CYYR1: variants seen among roughly 807,000 people sequenced by gnomAD.
CYYR1 encodes cysteine and tyrosine-rich protein 1.
Under a neutral mutation model 15.2 loss-of-function variants are expected in CYYR1, and 14 were observed. The observed-to-expected ratio is 0.92, with a 90% CI of 0.61 to 1.44. The LOEUF is 1.44. Ranked by LOEUF, CYYR1 falls within the 40% of genes most tolerant of loss-of-function variation. CYYR1 has a pLI of 0.00. For missense variants in CYYR1, 228 were observed against 209.5 expected, an observed-to-expected ratio of 1.09 and a Z score of -0.54; for synonymous variants, 80 against 77.4, an observed-to-expected ratio of 1.03 and a Z score of -0.18.
intron 3 of CYYR1, among the ~76,000 whole-genome samples, chr21:26,469,041 T>C (rs142695660): frequency 2.9e-4 from 44 of 152,310 alleles, no homozygotes; most frequent in African/African-American, 9.9e-4. Flanking sequence ...ATGTATAACA[T>C]GTAGCTATCA....
At chr21:26,505,823 TGCTTTTCGTAA>T (rs1569152011) in intron 2 of CYYR1, among the ~76,000 whole-genome samples, 2 of 152,218 alleles carry the variant, frequency 1.3e-5, no homozygotes, top group African/African-American at 4.8e-5. Flanking sequence ...AGGTTTTTAA[TGCTTTTCGTAA>T]GCGCGAGAGA....
At chr21:26,496,728 A>G (rs2065409768) in intron 2 of CYYR1, among the ~76,000 whole-genome samples, 2 of 152,190 alleles carry the variant, frequency 1.3e-5, no homozygotes, top group Non-Finnish European at 2.9e-5. Flanking sequence ...AGCAAGCTAG[A>G]AATTTCCAAA....
rs200900375 is a variant in CYYR1 at position 26,566,333 on chromosome 21, A to T, written c.109T>A (p.Ser37Thr). 16 of 1,613,898 alleles carry T rather than the reference A, an allele frequency of 9.9e-6. No homozygotes were observed. The East Asian group carries it at 3.3e-4, about 34-fold the overall frequency. Residue 37 changes from serine to threonine, a missense_variant, in exon 2 of 4, where the codon TCT becomes ACT. By Grantham distance (58) the Ser-to-Thr change is moderately conservative. Transcript: ENST00000652641. ...CLAQCGKDCKSYCCDGTTPYC... is the reference protein window; with the variant it reads ...CLAQCGKDCKTYCCDGTTPYC... Reference sequence around the variant, plus strand: ...GGCGTGGTTCCATCACAGCAGTAAGATTTGCAATCTTTGCCACACTGAGCA... The same window carrying T: ...GGCGTGGTTCCATCACAGCAGTAAGTTTTGCAATCTTTGCCACACTGAGCA...
chr21:26,484,476 G>A (rs2065225793), intron 2 of CYYR1, among the ~76,000 whole-genome samples: 2 of 152,036 alleles, frequency 1.3e-5, no homozygotes, highest in East Asian at 3.9e-4. Flanking sequence ...GACATATTTG[G>A]ATGTGTTGCT....
intron 3 of CYYR1, among the ~76,000 whole-genome samples, chr21:26,479,973 A>C (rs1310908670): frequency 6.6e-6 from 1 of 152,198 alleles, no homozygotes; most frequent in Non-Finnish European, 1.5e-5. Context: ...GTCAGTACTC[A>C]CTAGCAGGTA....
chr21:26,543,762 G>A (rs1308874909), intron 2 of CYYR1, among the ~76,000 whole-genome samples: 3 of 151,996 alleles, frequency 2.0e-5, no homozygotes, highest in African/African-American at 7.3e-5. Context: ...CAAAAATTAG[G>A]GGGTGTGGTT....
At chr21:26,570,882 C>T (rs1395606060) in intron 1 of CYYR1, among the ~76,000 whole-genome samples, 1 of 152,118 alleles carries the variant, frequency 6.6e-6, no homozygotes, top group Non-Finnish European at 1.5e-5. Context: ...TATCCCACTC[C>T]GTCTCGTTGG....
chr21:26,564,424 C>A (rs974102287), intron 2 of CYYR1, among the ~76,000 whole-genome samples: 1 of 151,990 alleles, frequency 6.6e-6, no homozygotes, highest in Non-Finnish European at 1.5e-5. Flanking sequence ...TTTATTTTCC[C>A]TTCTGAAACA....
intron 2 of CYYR1, among the ~76,000 whole-genome samples, chr21:26,490,488 C>A (rs1313606563): frequency 1.3e-5 from 2 of 151,902 alleles, no homozygotes; most frequent in Non-Finnish European, 2.9e-5. Context: ...GACAAGACAA[C>A]AATGAAATAA....
chr21:26,498,229 GC>G (rs1187647872), intron 2 of CYYR1, among the ~76,000 whole-genome samples: 3 of 152,102 alleles, frequency 2.0e-5, no homozygotes, highest in Non-Finnish European at 4.4e-5. Context: ...TTATTTGAAG[GC>G]CCTATAGCCA....
chr21:26,542,414 C>G (rs535931675), intron 2 of CYYR1, among the ~76,000 whole-genome samples: 3 of 151,564 alleles, frequency 2.0e-5, no homozygotes, highest in Non-Finnish European at 1.5e-5. Context: ...CCTAAACATG[C>G]GATCATTTCA....
chr21:26,541,934 T>C (rs894114832), intron 2 of CYYR1, among the ~76,000 whole-genome samples: 1 of 152,010 alleles, frequency 6.6e-6, no homozygotes. Flanking sequence ...CTAAAAGCAA[T>C]TTCAATTAAC....
chr21:26,569,509 G>A (rs754245948), intron 1 of CYYR1, among the ~76,000 whole-genome samples: 4 of 152,050 alleles, frequency 2.6e-5, no homozygotes, highest in African/African-American at 9.7e-5. Context: ...CCTGGGTGAC[G>A]GGATCCATTG....
Position 26,468,438 on chromosome 21 carries a change from A to G in CYYR1, c.*63T>C, listed in dbSNP as rs1409853810. 2.8e-6 allele frequency: 3 copies of G among 1,055,986 alleles called. No individual in the cohort carries two copies. Among genetic ancestry groups the G allele is most frequent in the Non-Finnish European group, 4.5e-6 (3 of 670,448 alleles). The allele number at this position is 1,055,986 out of a possible 1,614,324, so 65.4% of individuals were successfully genotyped here. A position where few individuals can be genotyped will look rare whatever the true frequency, so the allele number is the denominator to read the frequency against. On this transcript the variant is annotated 3_prime_UTR_variant, in exon 4 of 4. Coordinates refer to ENST00000652641, the MANE Select transcript of CYYR1 (RefSeq NM_001320768.2). ...AGCAATTCTTTCCTGCCTGTTTCTG[A>G]GTAGAGGCATTTTATTCCAGGCAAG...
chr21:26,527,564 A>G (rs1431923433), intron 2 of CYYR1, among the ~76,000 whole-genome samples: 1 of 152,158 alleles, frequency 6.6e-6, no homozygotes, highest in African/African-American at 2.4e-5. Flanking sequence ...ATGTGTTTTT[A>G]TCATCCAGTA....
At chr21:26,483,418 A>C in intron 2 of CYYR1, 1 of 974,408 alleles carries the variant, frequency 1.0e-6, no homozygotes, top group Non-Finnish European at 1.2e-6. Flanking sequence ...CTATCAAAAA[A>C]AAAAAAAAAA....
intron 3 of CYYR1, among the ~76,000 whole-genome samples, chr21:26,476,585 CATCTATCTATCTATCTATCTATCT>C (rs11450529): frequency 7.0e-6 from 1 of 143,738 alleles, no homozygotes; most frequent in Non-Finnish European, 1.5e-5. Context: ...CCCTATCTAT[CATCTATCTATCTATCTATCTATCT>C]ATCTATCTAT....
intron 2 of CYYR1, among the ~76,000 whole-genome samples, chr21:26,564,182 A>T (rs1022124214): frequency 2.9e-5 from 4 of 137,456 alleles, no homozygotes; most frequent in Non-Finnish European, 4.8e-5. Context: ...ACCACCCATT[A>T]AAAAAAAAAA....
At chr21:26,561,297 T>A (rs1285286898) in intron 2 of CYYR1, among the ~76,000 whole-genome samples, 1 of 150,054 alleles carries the variant, frequency 6.7e-6, no homozygotes, top group African/African-American at 2.5e-5. Context: ...TTATTTTAAC[T>A]TAATTAATTT....
Sources: gnomAD v4.1 joint callset for allele counts (sites outside exome capture counted in the v4.1 genomes callset) on GRCh38, gnomAD v4.1.1 for gene constraint, MANE v1.5 for transcripts, NCBI Gene and HGNC (gene_info 2026-07-23, HGNC 2026-07-21) for gene names.